Variants in XYLT1 observed in about 807,000 individuals in gnomAD.
The protein encoded by XYLT1 is xylosyltransferase 1, also known as beta-D-xylosyltransferase 1.
In XYLT1, 36 loss-of-function variants were observed where a neutral mutation model predicts 91.3. The ratio of observed to expected loss-of-function variants is 0.39; its 90% CI spans 0.30 to 0.52. XYLT1 has a LOEUF of 0.52. Ranked by LOEUF, XYLT1 falls within the 20% of genes least tolerant of loss-of-function variation. XYLT1 has a pLI of 0.68. For missense variants in XYLT1, 1,242 were observed against 1,284.5 expected (o/e 0.97, Z 0.51); for synonymous variants, 588 against 532.0 (o/e 1.11, Z -1.45).
chr16:17,421,736 G>A (rs970911611), intron 1 of XYLT1, among the ~76,000 whole-genome samples: 2 of 152,168 alleles, frequency 1.3e-5, no homozygotes, highest in Non-Finnish European at 2.9e-5. Context: ...CCTCCCAGCA[G>A]AGCCCTTCCT....
At chr16:17,196,654 C>A (rs181528758) in intron 5 of XYLT1, among the ~76,000 whole-genome samples, 1 of 152,300 alleles carries the variant, frequency 6.6e-6, no homozygotes, top group Admixed American at 6.5e-5. Flanking sequence ...ATGCTGAACC[C>A]TATGGCCTCA....
intron 3 of XYLT1, among the ~76,000 whole-genome samples, chr16:17,255,601 C>A (rs763402930): frequency 6.6e-6 from 1 of 152,222 alleles, no homozygotes; most frequent in Non-Finnish European, 1.5e-5. Flanking sequence ...TATTGCTACA[C>A]TCTGTGTGCC....
intron 2 of XYLT1, chr16:17,354,601 G>C (rs997676950): frequency 6.6e-5 from 10 of 152,256 alleles, no homozygotes; most frequent in Non-Finnish European, 1.5e-4. Flanking sequence ...TGTGACAGCT[G>C]GGCTCAAGAT....
chr16:17,427,527 T>A (rs1160140895), intron 1 of XYLT1, among the ~76,000 whole-genome samples: 1 of 152,204 alleles, frequency 6.6e-6, no homozygotes, highest in Admixed American at 6.5e-5. Context: ...CAAGTGATCC[T>A]CCCATCTTGG....
chr16:17,426,875 A>G (rs961486681), intron 1 of XYLT1, among the ~76,000 whole-genome samples: 1 of 152,204 alleles, frequency 6.6e-6, no homozygotes, highest in Non-Finnish European at 1.5e-5. Context: ...TAAAAAGATG[A>G]CATTTGAGTG....
intron 3 of XYLT1, among the ~76,000 whole-genome samples, chr16:17,222,391 G>A (rs763408438): frequency 7.9e-5 from 12 of 152,090 alleles, no homozygotes; most frequent in African/African-American, 1.2e-4. Context: ...TGTACGGGAC[G>A]GCCCCCACAG....
chr16:17,212,848 T>C (rs1173135021), intron 3 of XYLT1, among the ~76,000 whole-genome samples: 3 of 152,244 alleles, frequency 2.0e-5, no homozygotes, highest in South Asian at 2.1e-4. Context: ...TCCCAGTCAC[T>C]TGGCCTGTAA....
chr16:17,462,450 G>A (rs2036835858), intron 1 of XYLT1, among the ~76,000 whole-genome samples: 1 of 152,222 alleles, frequency 6.6e-6, no homozygotes, highest in Non-Finnish European at 1.5e-5. Context: ...TTCCAATCGG[G>A]AAGGGGGCAA....
At chr16:17,224,215 TTCTA>T (rs2033023090) in intron 3 of XYLT1, among the ~76,000 whole-genome samples, 2 of 152,346 alleles carry the variant, frequency 1.3e-5, no homozygotes, top group South Asian at 4.1e-4. Context: ...GTTGACCACA[TTCTA>T]TCAGCGACAA....
intron 1 of XYLT1, among the ~76,000 whole-genome samples, chr16:17,416,636 T>C (rs1567195778): frequency 6.6e-6 from 1 of 151,956 alleles, no homozygotes; most frequent in Non-Finnish European, 1.5e-5. Context: ...CCTGCTGGCA[T>C]GTCAATGTCA....
chr16:17,390,644 T>C (rs1369692988), intron 1 of XYLT1, among the ~76,000 whole-genome samples: 1 of 152,242 alleles, frequency 6.6e-6, no homozygotes, highest in Non-Finnish European at 1.5e-5. Flanking sequence ...AAGCTAACTT[T>C]CAGAGACATT....
intron 3 of XYLT1, among the ~76,000 whole-genome samples, chr16:17,206,609 G>A (rs1011879665): frequency 3.9e-5 from 6 of 152,122 alleles, no homozygotes; most frequent in Non-Finnish European, 5.9e-5. Flanking sequence ...GGTGGCTTGC[G>A]TCTGTAATTC....
chr16:17,135,658 GT>G (rs1171214989), intron 8 of XYLT1, among the ~76,000 whole-genome samples: 1 of 152,158 alleles, frequency 6.6e-6, no homozygotes, highest in African/African-American at 2.4e-5. Context: ...CCCAGAGATG[GT>G]AAGGGACTTA....
At chr16:17,404,073 C>A (rs1409089606) in intron 1 of XYLT1, among the ~76,000 whole-genome samples, 2 of 149,918 alleles carry the variant, frequency 1.3e-5, no homozygotes, top group East Asian at 3.9e-4. Flanking sequence ...ATGTGCATAA[C>A]TGTATGTGTG....
intron 1 of XYLT1, among the ~76,000 whole-genome samples, chr16:17,459,326 CA>C (rs2036784948): frequency 6.6e-6 from 1 of 152,224 alleles, no homozygotes; most frequent in Non-Finnish European, 1.5e-5. Context: ...GAGCTGAGAT[CA>C]AACCACTGCA....
At chr16:17,197,200 AC>A (rs1240714505) in intron 5 of XYLT1, among the ~76,000 whole-genome samples, 2 of 151,638 alleles carry the variant, frequency 1.3e-5, no homozygotes, top group African/African-American at 2.4e-5. Context: ...GCTCCACTGA[AC>A]CCTGCTGTTC....
At chr16:17,110,023 C>T (rs1313042939) in intron 11 of XYLT1, among the ~76,000 whole-genome samples, 3 of 152,298 alleles carry the variant, frequency 2.0e-5, no homozygotes, top group Admixed American at 6.5e-5. Context: ...ATGTGCCAGT[C>T]ACTTTGTGAA....
chr16:17,361,711 A>G (rs1431219806), intron 1 of XYLT1, among the ~76,000 whole-genome samples: 1 of 152,166 alleles, frequency 6.6e-6, no homozygotes, highest in African/African-American at 2.4e-5. Flanking sequence ...GTCCTTCTGA[A>G]TTTATTATTT....
intron 1 of XYLT1, among the ~76,000 whole-genome samples, chr16:17,381,036 C>T (rs538909331): frequency 5.9e-5 from 9 of 152,200 alleles, no homozygotes; most frequent in Admixed American, 3.9e-4. Flanking sequence ...ACTTTGTTGT[C>T]GTTGTTTCTT....
Sources: allele counts gnomAD v4.1 joint callset (sites outside exome capture counted in the v4.1 genomes callset), GRCh38; gene constraint gnomAD v4.1.1; transcripts MANE v1.5; gene names NCBI Gene and HGNC (gene_info 2026-07-23, HGNC 2026-07-21).